TG: variants seen among roughly 807,000 people sequenced by gnomAD.
TG encodes thyroglobulin, also known as thyroid hormones.
TG carries 270 observed loss-of-function variants against 324.7 expected under a neutral mutation model. The ratio of observed to expected loss-of-function variants is 0.83; its 90% CI spans 0.75 to 0.92. TG has a LOEUF of 0.92. TG is among the 40% of genes least tolerant of loss of function. TG has a pLI of 0.00. For missense variants in TG, 3,591 were observed against 3,456.4 expected (o/e 1.04, Z -0.98); for synonymous variants, 1,401 against 1,327.0 (o/e 1.06, Z -1.21).
intron 35 of TG, among the ~76,000 whole-genome samples, chr8:133,010,942 C>A (rs547794878): frequency 1.3e-5 from 2 of 152,156 alleles, no homozygotes; most frequent in Non-Finnish European, 2.9e-5. Flanking sequence ...CCTGTTCCAC[C>A]GAGCAGGAAC....
At chr8:133,100,547 A>G (rs1248653022) in intron 43 of TG, among the ~76,000 whole-genome samples, 5 of 152,248 alleles carry the variant, frequency 3.3e-5, no homozygotes, top group African/African-American at 1.2e-4. Flanking sequence ...GAAGTCTTCA[A>G]TGAAATAATT....
At chr8:133,053,108 C>T (rs1840726157) in intron 41 of TG, among the ~76,000 whole-genome samples, 1 of 152,174 alleles carries the variant, frequency 6.6e-6, no homozygotes, top group African/African-American at 2.4e-5. Context: ...TGGAACACAC[C>T]CTGCTCTTCC....
intron 11 of TG, among the ~76,000 whole-genome samples, chr8:132,895,134 C>G (rs1816910796): frequency 6.6e-6 from 1 of 152,258 alleles, no homozygotes. Flanking sequence ...AGATTTCTCA[C>G]TGACCCCACA....
At chr8:133,125,599 C>T (rs1851458604) in intron 45 of TG, among the ~76,000 whole-genome samples, 1 of 152,232 alleles carries the variant, frequency 6.6e-6, no homozygotes, top group South Asian at 2.1e-4. Context: ...GAAATGGTTT[C>T]TGGTACCAGA....
In TG at chr8:133,013,740, G is replaced by A. The variant is rs1587762598; in HGVS notation, c.6538G>A (p.Ala2180Thr). The change falls in exon 37 of 48, where the codon GCC becomes ACC. Residue 2180 changes from alanine to threonine, a missense_variant. Ala to Thr is a moderately conservative substitution (Grantham distance 58, BLOSUM62 0). Transcript: ENST00000220616. ...QNCRLLLREE[A>T]THIYRKPGIS... is the part of the protein sequence containing the mutation. ...CTGCCGACTTCTGCTTCGTGAAGAG[G>A]CCACCCACATCTACCGGAAGCCAGG... The A allele has an allele frequency of 1.2e-6, 2 of 1,612,068 alleles. No homozygotes were observed. Among genetic ancestry groups the A allele is most frequent in the African/African-American group, 1.3e-5 (1 of 74,938 alleles).
intron 41 of TG, among the ~76,000 whole-genome samples, chr8:133,042,153 A>G (rs1838379934): frequency 6.6e-6 from 1 of 152,154 alleles, no homozygotes; most frequent in South Asian, 2.1e-4. Context: ...TAACTTACTC[A>G]GGGCCGTAGA....
rs779003095 is a variant in TG at position 132,948,747 on chromosome 8, T to G, written c.5234-29T>G. ...CTCTAAAGGTCCCCCTCCATCACAC[T>G]GACCTCTCCTACCTCTTGTGATTCT... On this transcript the variant is annotated intron_variant, in intron 26 of 47. Transcript: ENST00000220616. 7 of 1,612,202 alleles carry G rather than the reference T, an allele frequency of 4.3e-6. No homozygotes were observed. In the South Asian group the frequency reaches 7.7e-5, roughly 18 times the overall value.
intron 41 of TG, among the ~76,000 whole-genome samples, chr8:133,089,757 G>C (rs1847200804): frequency 1.3e-5 from 2 of 152,072 alleles, no homozygotes; most frequent in Admixed American, 1.3e-4. Flanking sequence ...GATTACTTAG[G>C]ACCCAGCTCC....
At chr8:133,069,014 G>C (rs1843539301) in intron 41 of TG, among the ~76,000 whole-genome samples, 1 of 152,228 alleles carries the variant, frequency 6.6e-6, no homozygotes, top group Admixed American at 6.5e-5. Flanking sequence ...GAGTGGTAAA[G>C]ACAATTATTT....
chr8:132,941,253 G>T, intron 25 of TG, 98 bp from the exon 26 acceptor site: 1 of 1,435,172 alleles, frequency 7.0e-7, no homozygotes, highest in Non-Finnish European at 9.8e-7. Context: ...GAGCACTGTT[G>T]CAGCTAAGTC....
At chr8:133,094,908 G>GCAGC in intron 41 of TG, 136 bp from the exon 42 acceptor site, 1 of 1,144,048 alleles carries the variant, frequency 8.7e-7, no homozygotes, top group Non-Finnish European at 1.3e-6. Flanking sequence ...CCCATTGTGT[G>GCAGC]CAGCCCCAGA....
In TG at chr8:133,132,070, A is replaced by C. The variant is rs553181636; in HGVS notation, c.7997+124A>C. ...CCTTTCCTCCGTAGACACTATAATCACCAGCCACTGGCCTCCCTGTCTCAG... is the reference window on the plus strand; with the variant it reads ...CCTTTCCTCCGTAGACACTATAATCCCCAGCCACTGGCCTCCCTGTCTCAG... On this transcript the variant is annotated intron_variant, in intron 46 of 47. Transcript: ENST00000220616. The C allele has an allele frequency of 1.4e-3, 1,984 of 1,412,050 alleles. 6 individuals carry two copies. The highest frequency in any genetic ancestry group is 6.7e-3 in the East Asian group (284 of 42,104). 87.5% of individuals were successfully genotyped at this position (1,412,050 alleles called of 1,614,324 possible).
intron 43 of TG, 152 bp from the exon 44 acceptor site, chr8:133,113,270 G>T: frequency 1.2e-6 from 1 of 821,768 alleles, no homozygotes. Context: ...GCAGAGCTGG[G>T]ATTCGAACTC....
chr8:132,992,308 A>G (rs1025640822), intron 35 of TG, among the ~76,000 whole-genome samples: 2 of 152,216 alleles, frequency 1.3e-5, no homozygotes, highest in Non-Finnish European at 2.9e-5. Flanking sequence ...AGCATTAAAC[A>G]ATTTTGGAGT....
At chr8:132,916,129 C>T (rs899293555) in intron 20 of TG, among the ~76,000 whole-genome samples, 1 of 152,266 alleles carries the variant, frequency 6.6e-6, no homozygotes, top group African/African-American at 2.4e-5. Context: ...GACCCGGGTT[C>T]GAGTCCTAGC....
At chr8:133,004,772 G>A (rs779176866) in intron 35 of TG, among the ~76,000 whole-genome samples, 22 of 152,126 alleles carry the variant, frequency 1.4e-4, no homozygotes, top group Admixed American at 3.9e-4. Flanking sequence ...TAGGTGGTGA[G>A]TGCTGTGACC....
intron 31 of TG, among the ~76,000 whole-genome samples, chr8:132,969,192 G>A (rs1160932216): frequency 1.3e-5 from 2 of 152,042 alleles, no homozygotes; most frequent in Non-Finnish European, 2.9e-5. Flanking sequence ...AGTTTTCTTG[G>A]TCTGTTAGGC....
At chr8:132,966,533 G>C in intron 29 of TG, 27 bp from the exon 30 acceptor site, 1 of 1,613,762 alleles carries the variant, frequency 6.2e-7, no homozygotes, top group Non-Finnish European at 8.5e-7. Context: ...AAAGGTGCAG[G>C]AAGTTGACTC....
chr8:133,091,909 C>A (rs964748569), intron 41 of TG, among the ~76,000 whole-genome samples: 3 of 151,588 alleles, frequency 2.0e-5, no homozygotes, highest in African/African-American at 7.3e-5. Flanking sequence ...CTGTGTGTCT[C>A]CATCTGTGGC....
Sources: allele counts gnomAD v4.1 joint callset (sites outside exome capture counted in the v4.1 genomes callset), GRCh38; gene constraint gnomAD v4.1.1; transcripts MANE v1.5; gene names NCBI Gene and HGNC (gene_info 2026-07-23, HGNC 2026-07-21).